NELL2: variants seen among roughly 807,000 people sequenced by gnomAD.
NELL2 encodes neural EGFL like 2, also known as protein kinase C-binding protein NELL2.
A neutral mutation model predicts 109.6 loss-of-function variants in NELL2; 41 were observed. That is an observed-to-expected ratio of 0.37 (90% CI 0.29 to 0.49). The LOEUF is 0.49. NELL2 is among the 20% of genes least tolerant of loss of function. The pLI, the probability that NELL2 is intolerant of heterozygous loss-of-function variation, is 0.98. For missense variants in NELL2, 900 were observed against 1,008.3 expected (o/e 0.89, Z 1.45); for synonymous variants, 355 against 344.7 (o/e 1.03, Z -0.33).
intron 9 of NELL2, among the ~76,000 whole-genome samples, chr12:44,740,354 G>A (rs566134296): frequency 3.3e-5 from 5 of 152,234 alleles, no homozygotes; most frequent in South Asian, 2.1e-4. Context: ...ACACAGAGGA[G>A]GGCAGAAAAA....
chr12:44,602,714 C>T (rs545399853), intron 15 of NELL2, among the ~76,000 whole-genome samples: 1 of 151,950 alleles, frequency 6.6e-6, no homozygotes, highest in South Asian at 2.1e-4. Flanking sequence ...AGAATTTTCC[C>T]TTGCTTCTGA....
At chr12:44,627,756 A>C (rs1946317442) in intron 13 of NELL2, among the ~76,000 whole-genome samples, 2 of 152,244 alleles carry the variant, frequency 1.3e-5, no homozygotes, top group South Asian at 4.1e-4. Context: ...TAGATTAAAT[A>C]GCTTAGACAT....
chr12:44,885,145 G>A (rs1345555146), intron 1 of NELL2, among the ~76,000 whole-genome samples: 1 of 151,890 alleles, frequency 6.6e-6, no homozygotes, highest in South Asian at 2.1e-4. Context: ...CAGGCATGGT[G>A]GTGAGCACCT....
At chr12:44,540,812 T>C (rs1942526497) in intron 15 of NELL2, among the ~76,000 whole-genome samples, 1 of 55,966 alleles carries the variant, frequency 1.8e-5, no homozygotes. Context: ...CATCCTCATA[T>C]CAAAGCTCAA....
At chr12:44,729,432 G>A (rs1939248733) in intron 9 of NELL2, among the ~76,000 whole-genome samples, 1 of 151,650 alleles carries the variant, frequency 6.6e-6, no homozygotes, top group African/African-American at 2.4e-5. Flanking sequence ...CAACAAAGGA[G>A]AAAAAGCAGG....
chr12:44,593,467 T>C (rs1944834298), intron 15 of NELL2, among the ~76,000 whole-genome samples: 3 of 152,210 alleles, frequency 2.0e-5, no homozygotes, highest in Admixed American at 6.5e-5. Context: ...TGGTACTGTG[T>C]GTAACTTCAG....
intron 12 of NELL2, among the ~76,000 whole-genome samples, chr12:44,699,513 G>T (rs1566189352): frequency 1.3e-5 from 2 of 152,232 alleles, no homozygotes; most frequent in Middle Eastern, 6.8e-3. Flanking sequence ...GGGTCGGGCA[G>T]AAGAATCCCT....
upstream of NELL2, chr12:44,876,528 C>T (rs757022214): frequency 4.9e-6 from 7 of 1,417,750 alleles, no homozygotes; most frequent in African/African-American, 2.9e-5. Context: ...TCTCGATGAC[C>T]CGGGCAATGC....
chr12:44,779,113 A>G (rs1395939647), intron 5 of NELL2, among the ~76,000 whole-genome samples: 1 of 152,228 alleles, frequency 6.6e-6, no homozygotes, highest in Non-Finnish European at 1.5e-5. Flanking sequence ...GTTAAATGAC[A>G]TGTCCCTTAG....
chr12:44,668,966 G>T (rs1948043630), intron 12 of NELL2, among the ~76,000 whole-genome samples: 1 of 151,956 alleles, frequency 6.6e-6, no homozygotes, highest in Non-Finnish European at 1.5e-5. Flanking sequence ...CACTGCTGGT[G>T]CCCATGAAGG....
chr12:44,674,189 A>G (rs747764360), intron 12 of NELL2, among the ~76,000 whole-genome samples: 1 of 152,208 alleles, frequency 6.6e-6, no homozygotes, highest in Non-Finnish European at 1.5e-5. Flanking sequence ...TTGGGAATTT[A>G]TATCTGGTGA....
intron 13 of NELL2, among the ~76,000 whole-genome samples, chr12:44,624,994 G>GTATA (rs759847225): frequency 0.048 from 5,732 of 118,380 alleles, 344 homozygotes; most frequent in East Asian, 0.15. Flanking sequence ...ATATATGTGT[G>GTATA]TGTATATATA....
At chr12:44,619,586 A>G (rs1157533774) in intron 13 of NELL2, among the ~76,000 whole-genome samples, 2 of 151,984 alleles carry the variant, frequency 1.3e-5, no homozygotes, top group African/African-American at 4.8e-5. Context: ...AGTCTGTGCA[A>G]CACTGAGAGA....
At chr12:44,741,803 G>C (rs1939986708) in intron 9 of NELL2, among the ~76,000 whole-genome samples, 1 of 152,232 alleles carries the variant, frequency 6.6e-6, no homozygotes. Flanking sequence ...GGTAAACAAA[G>C]CAGCCTGGAA....
At chr12:44,825,221 T>G (rs150410108) in intron 2 of NELL2, among the ~76,000 whole-genome samples, 2 of 152,288 alleles carry the variant, frequency 1.3e-5, no homozygotes, top group East Asian at 3.9e-4. Flanking sequence ...TTAATAACAT[T>G]AATTCTTCCA....
intron 13 of NELL2, among the ~76,000 whole-genome samples, chr12:44,647,162 C>A (rs925859244): frequency 6.6e-6 from 1 of 152,060 alleles, no homozygotes; most frequent in African/African-American, 2.4e-5. Flanking sequence ...GGTAGCAGGG[C>A]CCCTATACAA....
chr12:44,773,868 C>T (rs1941646297), intron 9 of NELL2, among the ~76,000 whole-genome samples: 1 of 150,050 alleles, frequency 6.7e-6, no homozygotes, highest in South Asian at 2.2e-4. Flanking sequence ...GATAGCTTGT[C>T]ACCCTCACCA....
chr12:44,604,250 G>A (rs1196887822), intron 15 of NELL2, among the ~76,000 whole-genome samples: 1 of 151,848 alleles, frequency 6.6e-6, no homozygotes, highest in Non-Finnish European at 1.5e-5. Flanking sequence ...AAGAAAGGGA[G>A]GGAAGCAAGG....
intron 9 of NELL2, among the ~76,000 whole-genome samples, chr12:44,728,020 T>G (rs1320493811): frequency 6.6e-6 from 1 of 151,810 alleles, no homozygotes; most frequent in Non-Finnish European, 1.5e-5. Flanking sequence ...TTGTTCATAC[T>G]CTCACTCACA....
Sources: allele counts gnomAD v4.1 joint callset (sites outside exome capture counted in the v4.1 genomes callset), GRCh38; gene constraint gnomAD v4.1.1; transcripts MANE v1.5; gene names NCBI Gene and HGNC (gene_info 2026-07-23, HGNC 2026-07-21).